Variants in UBQLN4 observed in about 807,000 individuals in gnomAD.
UBQLN4 encodes ubiquilin 4.
Under a neutral mutation model 60.4 loss-of-function variants are expected in UBQLN4, and 11 were observed. The observed-to-expected ratio is 0.18, with a 90% CI of 0.11 to 0.30. The LOEUF (loss-of-function observed/expected upper bound fraction) is 0.30, where lower values mean the gene tolerates loss of function less well. Among genes scored for constraint, UBQLN4 ranks in the 10% least tolerant of loss-of-function variants. The probability of loss-of-function intolerance (pLI) is 1.00; values close to 1 mark genes in which losing one functional copy is unlikely to be tolerated. For synonymous variants in UBQLN4, 258 were observed against 313.1 expected (o/e 0.82, Z 1.86); for missense variants, 417 against 795.5 (o/e 0.52, Z 5.72).
At chr1:156,051,682 G>T in intron 2 of UBQLN4, 24 bp downstream of exon 2, 1 of 1,611,952 alleles carries the variant, frequency 6.2e-7, no homozygotes, top group South Asian at 1.1e-5. Flanking sequence ...TCAGAAGCTG[G>T]ATCTGCTCTG....
At chr1:156,051,915 C>T (rs1016893028) in intron 1 of UBQLN4, 58 bp from the exon 2 acceptor site, 5 of 1,603,050 alleles carry the variant, frequency 3.1e-6, no homozygotes, top group African/African-American at 2.7e-5. Flanking sequence ...CTACCAGGGA[C>T]CCTGACTCTT....
rs984147552 is a variant in UBQLN4, at chr1:156,036,323, C to T, written c.*655G>A. The T allele has an allele frequency of 2.0e-6, 2 of 985,662 alleles. No individual in the cohort carries two copies. Among genetic ancestry groups the T allele is most frequent in the African/African-American group, 1.7e-5 (1 of 57,354 alleles). The allele number at this position is 985,662 out of a possible 1,614,324, so 61.1% of individuals were successfully genotyped here. ...TTTCACACGAATTTCCTCTGGGCTG[C>T]TCCAGCGTTTGTTAATTCCTGTCCA... On this transcript the variant is annotated 3_prime_UTR_variant, in exon 11 of 11. Coordinates refer to ENST00000368309, the MANE Select transcript of UBQLN4 (RefSeq NM_020131.5).
intron 5 of UBQLN4, among the ~76,000 whole-genome samples, chr1:156,046,703 G>A (rs900267727): frequency 6.6e-5 from 10 of 151,330 alleles, no homozygotes; most frequent in Non-Finnish European, 1.0e-4. Flanking sequence ...TTAGCCAGGC[G>A]TGGTGGTGCA....
chr1:156,044,286 A>G, intron 5 of UBQLN4, 63 bp from the exon 6 acceptor site: 1 of 1,427,996 alleles, frequency 7.0e-7, no homozygotes, highest in South Asian at 1.2e-5. Flanking sequence ...GGCTAGGCCC[A>G]TTCTCTCCTC....
intron 1 of UBQLN4, among the ~76,000 whole-genome samples, chr1:156,052,623 C>T (rs1331837470): frequency 1.3e-5 from 2 of 152,122 alleles, no homozygotes; most frequent in East Asian, 1.9e-4. Context: ...CACGCCCAGC[C>T]GTATCTCCAT....
chr1:156,036,428 C>G lies in UBQLN4; in HGVS notation c.*550G>C. ...CCCTGGAATTTCCAACAGTTCCCAC[C>G]AAAAAGTGCTGAATGAACCAGAATA... On this transcript the variant is annotated 3_prime_UTR_variant, in exon 11 of 11. Coordinates refer to ENST00000368309, the MANE Select transcript of UBQLN4 (RefSeq NM_020131.5). 1 of 985,678 alleles carries G rather than the reference C, an allele frequency of 1.0e-6. No homozygotes were observed. Among genetic ancestry groups the G allele is most frequent in the Non-Finnish European group, 1.2e-6 (1 of 830,090 alleles). 61.1% of individuals were successfully genotyped at this position (985,678 alleles called of 1,614,324 possible).
downstream of UBQLN4, among the ~76,000 whole-genome samples, chr1:156,031,941 A>T (rs1683305611): frequency 6.6e-6 from 1 of 151,722 alleles, no homozygotes; most frequent in Non-Finnish European, 1.5e-5. Flanking sequence ...TACTCATGAA[A>T]TCATCACCAC....
At position 156,048,461 on chromosome 1, in the gene UBQLN4, C is replaced by A; in HGVS notation, c.900+40G>T. On this transcript the variant is annotated intron_variant, in intron 5 of 10. Transcript: ENST00000368309. This position sits in a 1 kb window ranked among gnomAD's most constrained non-coding sequence, Gnocchi z 4.9. ...TGGGGTGGGGGTAGGGAATCTCGAG[C>A]CCAGACAGCCCAACCCACTACCCTG... The A allele has an allele frequency of 1.5e-5, 23 of 1,572,432 alleles. No individual in the cohort carries two copies. Among genetic ancestry groups the A allele is most frequent in the Non-Finnish European group, 2.0e-5 (23 of 1,150,394 alleles).
At position 156,044,035 on chromosome 1, in the gene UBQLN4, C is replaced by T. The variant is rs557258585; in HGVS notation, c.1089G>A (p.Ser363=). Residue 363 remains serine (S), a synonymous_variant, in exon 6 of 11, where the codon TCG becomes TCA. Coordinates refer to ENST00000368309, the MANE Select transcript of UBQLN4 (RefSeq NM_020131.5). ...SGTSQVHPTV[S]NPFGINAASL... ...TAGCCGCATTGATCCCAAAGGGGTT[C>T]GAGACTGTCGGGTGCACCTGGCTGG... 3 of 1,610,426 alleles carry T rather than the reference C, an allele frequency of 1.9e-6. No individual in the cohort carries two copies. Among genetic ancestry groups the T allele is most frequent in the South Asian group, 1.1e-5 (1 of 90,516 alleles).
chr1:156,044,141 G>A lies in UBQLN4; in HGVS notation c.983C>T (p.Pro328Leu). 6.3e-7 allele frequency: 1 copy of A among 1,582,410 alleles called. No individual in the cohort carries two copies. Among genetic ancestry groups the A allele is most frequent in the Non-Finnish European group, 8.6e-7 (1 of 1,164,414 alleles). Residue 328 changes from proline (P) to leucine (L), a missense_variant, in exon 6 of 11, where the codon CCC becomes CTC. Transcript: ENST00000368309. ...CGAGGGGCTCCAGGGGTTAGGGAGG[G>A]GCTCTCGATTCTCAGTCCGCAGAGG... ...SQPLRTENRE[P>L]LPNPWSPSPP... is the part of the protein sequence containing the mutation.
chr1:156,034,296 CTTT>C (rs59303673), downstream of UBQLN4, among the ~76,000 whole-genome samples: 45 of 123,372 alleles, frequency 3.6e-4, no homozygotes, highest in Non-Finnish European at 5.4e-4. Context: ...TTTTGTTTTA[CTTT>C]TTTTTTTTTT....
chr1:156,031,642 GATCTCAGCTCACT>G (rs1198623194), downstream of UBQLN4, among the ~76,000 whole-genome samples: 1 of 146,646 alleles, frequency 6.8e-6, no homozygotes, highest in Non-Finnish European at 1.5e-5. Flanking sequence ...GCAGTGGCAC[GATCTCAGCTCACT>G]GCAACCTCCG....
At chr1:156,033,535 A>G (rs1375356803), downstream of UBQLN4, among the ~76,000 whole-genome samples, 2 of 152,116 alleles carry the variant, frequency 1.3e-5, no homozygotes, top group South Asian at 2.1e-4. Flanking sequence ...ATCTCTACAA[A>G]AAAATATAAA....
At position 156,044,292 on chromosome 1, in the gene UBQLN4, T is replaced by G. The variant is rs919180226; in HGVS notation, c.901-69A>C. 13 of 1,375,830 alleles carry G rather than the reference T, an allele frequency of 9.4e-6. No homozygotes were observed. The South Asian group carries it at 1.6e-4, about 17-fold the overall frequency. 85.2% of individuals were successfully genotyped at this position (1,375,830 alleles called of 1,614,324 possible). Reference sequence around the variant, plus strand: ...AGGGACAAGGGCTAGGCCCATTCTCTCCTCTCACTTAATAGCCTCCCCTTC... The same window carrying G: ...AGGGACAAGGGCTAGGCCCATTCTCGCCTCTCACTTAATAGCCTCCCCTTC... On this transcript the variant is annotated intron_variant, in intron 5 of 10. Transcript: ENST00000368309.
chr1:156,050,264 C>T lies in UBQLN4; in HGVS notation c.741+27G>A. The stretch of plus-strand genomic sequence containing the variant: ...GGGCACGGCTGGGCACCAGTGTCCT[C>T]CAGCTCTCCAGCCCTCTCATACTCA... On this transcript the variant is annotated intron_variant, in intron 4 of 10. Transcript: ENST00000368309. This position sits in a 1 kb window ranked among gnomAD's most constrained non-coding sequence, Gnocchi z 4.6. 6.5e-7 allele frequency: 1 copy of T among 1,534,450 alleles called. No individual in the cohort carries two copies. Among genetic ancestry groups the T allele is most frequent in the Non-Finnish European group, 8.8e-7 (1 of 1,135,872 alleles).
At position 156,051,196 on chromosome 1, in the gene UBQLN4, G is replaced by T; in HGVS notation, c.392C>A (p.Ala131Asp). The change falls in exon 3 of 11, where the codon GCT (alanine) becomes GAT (aspartate). Residue 131 changes from alanine to aspartate, a missense_variant. By Grantham distance (126) the Ala-to-Asp change is moderately radical (BLOSUM62 -2). Transcript: ENST00000368309. Reference protein sequence around the residue: ...PSTSGSASSDAGSGSRRSSGG... With the variant: ...PSTSGSASSDDGSGSRRSSGG... ...ACTGCTCCTCCGGCTTCCACTGCCA[G>T]CATCTGAAGAGGCACTGCCAGAGGT... 6.2e-7 allele frequency: 1 copy of T among 1,611,756 alleles called. No homozygotes were observed. The highest frequency in any genetic ancestry group is 8.5e-7 in the Non-Finnish European group (1 of 1,178,846).
chr1:156,042,666 G>A, intron 7 of UBQLN4, 108 bp downstream of exon 7: 2 of 1,478,790 alleles, frequency 1.4e-6, no homozygotes, highest in Non-Finnish European at 1.8e-6. Flanking sequence ...CAGAGCTTGG[G>A]ATGCAAACCC....
rs772451548 is a variant in UBQLN4, at chr1:156,041,595, T to C, written c.1543A>G (p.Thr515Ala). The change falls in exon 10 of 11, where the codon ACT (threonine) becomes GCT (alanine). Residue 515 changes from threonine to alanine, a missense_variant. Transcript: ENST00000368309. Reference sequence around the variant, plus strand: ...GTGGCTGGCGTGGCTGGTGAGGAAGTGGGGGCCTCGGGCGTAGACCCTGCG... The same window carrying C: ...GTGGCTGGCGTGGCTGGTGAGGAAGCGGGGGCCTCGGGCGTAGACCCTGCG... ...SNAGSTPEAP[T>A]SSPATPATSS... The C allele has an allele frequency of 8.1e-6, 13 of 1,611,372 alleles. No individual in the cohort carries two copies. The East Asian group carries it at 2.9e-4, about 36-fold the overall frequency.
chr1:156,043,722 C>T (rs1440275456), intron 6 of UBQLN4, among the ~76,000 whole-genome samples: 1 of 152,116 alleles, frequency 6.6e-6, no homozygotes, highest in Non-Finnish European at 1.5e-5. Context: ...GCAGTCTGAA[C>T]CTTTTACACT....
Sources: gnomAD v4.1 joint callset for allele counts (sites outside exome capture counted in the v4.1 genomes callset) on GRCh38, gnomAD v4.1.1 for gene constraint, Gnocchi (gnomAD v3.1) non-coding constraint, MANE v1.5 for transcripts, NCBI Gene and HGNC (gene_info 2026-07-23, HGNC 2026-07-21) for gene names.